The following OPHN1 variants were observed in gnomAD, a reference collection of about 807,000 sequenced individuals.
The protein encoded by OPHN1 is oligophrenin-1.
A neutral mutation model predicts 60.7 loss-of-function variants in OPHN1; 11 were observed. The ratio of observed to expected loss-of-function variants is 0.18; its 90% CI spans 0.11 to 0.30. OPHN1 has a LOEUF of 0.30. OPHN1 is among the 10% of genes least tolerant of loss of function. The probability of loss-of-function intolerance (pLI) is 1.00; values close to 1 mark genes in which losing one functional copy is unlikely to be tolerated. For missense variants in OPHN1, 449 were observed against 611.0 expected (o/e 0.73, Z 2.80); for synonymous variants, 226 against 222.6 (o/e 1.02, Z -0.14).
chrX:68,386,854 T>C (rs1362617294), intron 2 of OPHN1, among the ~76,000 whole-genome samples: 1 of 112,132 alleles, frequency 8.9e-6, no homozygotes, highest in Non-Finnish European at 1.9e-5. Flanking sequence ...TACACAGCCC[T>C]TGCTAAGGGT....
intron 12 of OPHN1, 84 bp downstream of exon 12, chrX:68,197,102 T>C: frequency 1.5e-6 from 1 of 672,288 alleles, no homozygotes; most frequent in South Asian, 2.2e-5. Context: ...TACCATTTAA[T>C]TGTCTGAGAC....
intron 2 of OPHN1, among the ~76,000 whole-genome samples, chrX:68,370,849 T>C (rs1338653521): frequency 9.0e-6 from 1 of 110,754 alleles, no homozygotes; most frequent in Non-Finnish European, 1.9e-5. Context: ...GTAATCCCCA[T>C]GGTAACCACA....
At chrX:68,194,428 T>C in intron 13 of OPHN1, 37 bp downstream of exon 13, 1 of 1,147,796 alleles carries the variant, frequency 8.7e-7, no homozygotes, top group Non-Finnish European at 1.2e-6. Flanking sequence ...AGCTGGCAGT[T>C]TATAATGCTA....
At chrX:68,139,041 GA>G (rs1285276925) in intron 15 of OPHN1, among the ~76,000 whole-genome samples, 1 of 111,574 alleles carries the variant, frequency 9.0e-6, no homozygotes, top group Non-Finnish European at 1.9e-5. Flanking sequence ...CCAATGTATA[GA>G]AAAAACAGTC....
intron 15 of OPHN1, among the ~76,000 whole-genome samples, chrX:68,144,746 G>A (rs917901707): frequency 6.3e-5 from 7 of 111,685 alleles, no homozygotes; most frequent in Non-Finnish European, 1.3e-4. Flanking sequence ...AAGAATAATG[G>A]CATTCATTTA....
Position 68,044,252 on chromosome X carries a change from C to T in OPHN1, c.*2920G>A, listed in dbSNP as rs1222028747. ...TCTAGTAATGTGGCCTCTGTTCAAA[C>T]ACCTACCACAGTGTGGCAAAGGGAA... is the stretch of plus-strand genomic sequence containing the variant. On this transcript the variant is annotated 3_prime_UTR_variant, in exon 25 of 25. Transcript: ENST00000355520. The T allele has an allele frequency of 1.8e-5, 2 of 112,350 alleles. No individual in the cohort carries two copies. Among genetic ancestry groups the T allele is most frequent in the African/African-American group, 6.5e-5 (2 of 30,906 alleles). The allele number at this position is 112,350 out of a possible 1,213,427, so 9.3% of individuals were successfully genotyped here.
intron 21 of OPHN1, among the ~76,000 whole-genome samples, chrX:68,061,751 G>A (rs1039081808): frequency 3.6e-5 from 4 of 111,703 alleles, no homozygotes; most frequent in Non-Finnish European, 7.5e-5. Context: ...AATTAACTGT[G>A]ATCGCATGAG....
intron 5 of OPHN1, among the ~76,000 whole-genome samples, chrX:68,266,296 C>T (rs750571261): frequency 1.1e-4 from 12 of 111,767 alleles, no homozygotes; most frequent in African/African-American, 3.9e-4. Context: ...GGGTTACCCA[C>T]AAAGGGAAGT....
chrX:68,061,282 C>T (rs1335423119), intron 21 of OPHN1, among the ~76,000 whole-genome samples: 1 of 111,494 alleles, frequency 9.0e-6, no homozygotes, highest in Non-Finnish European at 1.9e-5. Flanking sequence ...GAGTAGCTGC[C>T]GCCAGCAGCC....
At chrX:68,259,383 T>A (rs1232891692) in intron 5 of OPHN1, among the ~76,000 whole-genome samples, 1 of 110,959 alleles carries the variant, frequency 9.0e-6, no homozygotes, top group African/African-American at 3.3e-5. Flanking sequence ...CCTGGGAGTT[T>A]AAGGCTATAG....
chrX:68,335,115 C>T (rs1180156478), intron 2 of OPHN1, among the ~76,000 whole-genome samples: 1 of 108,243 alleles, frequency 9.2e-6, no homozygotes, highest in African/African-American at 3.4e-5. Flanking sequence ...CATAAGCGCT[C>T]TAGCCTCACA....
At chrX:68,431,485 C>T (rs1293991306) in intron 2 of OPHN1, among the ~76,000 whole-genome samples, 1 of 112,053 alleles carries the variant, frequency 8.9e-6, no homozygotes, top group Non-Finnish European at 1.9e-5. Context: ...GGCACGGTCT[C>T]GGCTCACTGC....
intron 2 of OPHN1, among the ~76,000 whole-genome samples, chrX:68,324,788 T>A (rs2078252241): frequency 9.2e-6 from 1 of 109,279 alleles, no homozygotes; most frequent in Non-Finnish European, 1.9e-5. Context: ...ACGCCTGTAA[T>A]CCCAACACTT....
intron 18 of OPHN1, among the ~76,000 whole-genome samples, chrX:68,106,426 C>G (rs1180397712): frequency 9.0e-6 from 1 of 111,163 alleles, no homozygotes; most frequent in African/African-American, 3.3e-5. Context: ...AAGATGTTGT[C>G]AGGCAGGGCA....
intron 11 of OPHN1, among the ~76,000 whole-genome samples, chrX:68,199,472 T>TA (rs1231472469): frequency 9.0e-6 from 1 of 111,708 alleles, no homozygotes; most frequent in Non-Finnish European, 1.9e-5. Context: ...ACCCTCTCTC[T>TA]AAAAAATTAA....
chrX:68,128,175 G>A lies in OPHN1; in HGVS notation c.1277-8843C>T, dbSNP rs1156976479. Among the ~76,000 whole-genome samples the A allele has an allele frequency of 8.2e-5, 9 of 109,176 alleles. No homozygotes were observed. In the South Asian group the frequency reaches 2.5e-3, roughly 30 times the overall value. 94.8% of individuals were successfully genotyped at this position (109,176 alleles called of 115,157 possible). A position where few individuals can be genotyped will look rare whatever the true frequency, so the allele number is the denominator to read the frequency against. ...AGGGCTCTTCCCTCCTCTGCCTCCC[G>A]AGTAGATAGGACTATAGGCCCGCAC... On this transcript the variant is annotated intron_variant, in intron 15 of 24. Transcript: ENST00000355520.
Position 68,393,885 on chromosome X carries a change from G to GTTT in OPHN1, c.154+38979_154+38981dup, listed in dbSNP as rs1163192446. Among the ~76,000 whole-genome samples, 32 of 34,593 alleles carry GTTT rather than the reference G, an allele frequency of 9.3e-4. 8 individuals carry two copies. The highest frequency in any genetic ancestry group is 2.4e-3 in the African/African-American group (22 of 9,166). The allele number at this position is 34,593 out of a possible 115,157, so 30.0% of individuals were successfully genotyped here. A position where few individuals can be genotyped will look rare whatever the true frequency, so the allele number is the denominator to read the frequency against. On this transcript the variant is annotated intron_variant, in intron 2 of 24. Transcript: ENST00000355520. ...CTATCAAGGTGATCCAATAGACTTT[G>GTTT]TTTTTTTTTTTTTTTTTTTTTTTTT...
At chrX:68,290,079 C>T (rs1461639435) in intron 3 of OPHN1, among the ~76,000 whole-genome samples, 1 of 110,921 alleles carries the variant, frequency 9.0e-6, no homozygotes, top group East Asian at 2.8e-4. Context: ...TCAGGCTTAA[C>T]TATTTATTGA....
chrX:68,338,799 G>A (rs1042636621), intron 2 of OPHN1, among the ~76,000 whole-genome samples: 3 of 111,279 alleles, frequency 2.7e-5, no homozygotes, highest in African/African-American at 9.8e-5. Flanking sequence ...AAAATTCTGG[G>A]CGCAGTGGCT....
Sources: allele counts gnomAD v4.1 joint callset (sites outside exome capture counted in the v4.1 genomes callset), GRCh38; gene constraint gnomAD v4.1.1; transcripts MANE v1.5; gene names NCBI Gene and HGNC (gene_info 2026-07-23, HGNC 2026-07-21).